The following IL21R variants were observed in gnomAD, a reference collection of about 807,000 sequenced individuals.
The protein encoded by IL21R is interleukin-21 receptor.
A neutral mutation model predicts 41.3 loss-of-function variants in IL21R; 14 were observed. The observed-to-expected ratio is 0.34, with a 90% CI of 0.22 to 0.53. The LOEUF (loss-of-function observed/expected upper bound fraction) is 0.53, where lower values mean the gene tolerates loss of function less well. Ranked by LOEUF, IL21R falls within the 20% of genes least tolerant of loss-of-function variation. IL21R has a pLI of 0.94. For synonymous variants in IL21R, 286 were observed against 287.6 expected, an observed-to-expected ratio of 0.99 and a Z score of 0.05; for missense variants, 588 against 681.6, an observed-to-expected ratio of 0.86 and a Z score of 1.53.
intron 1 of IL21R, among the ~76,000 whole-genome samples, chr16:27,418,824 T>C (rs186522441): frequency 6.6e-5 from 10 of 151,942 alleles, no homozygotes; most frequent in Admixed American, 5.9e-4. Context: ...ATACAAAATA[T>C]TTTTCTTTAT....
chr16:27,419,879 G>A (rs2086971755), intron 1 of IL21R, among the ~76,000 whole-genome samples: 3 of 148,682 alleles, frequency 2.0e-5, no homozygotes, highest in Admixed American at 1.3e-4. Flanking sequence ...ATACATAATT[G>A]TATATGCTAT....
chr16:27,430,376 G>A (rs548819561), intron 2 of IL21R, among the ~76,000 whole-genome samples: 3 of 152,324 alleles, frequency 2.0e-5, no homozygotes, highest in East Asian at 3.9e-4. Context: ...TTGTGTCTTC[G>A]GGTGTCACTG....
At chr16:27,442,446 C>G (rs1314700553) in intron 4 of IL21R, among the ~76,000 whole-genome samples, 4 of 152,218 alleles carry the variant, frequency 2.6e-5, no homozygotes, top group African/African-American at 9.6e-5. Context: ...TCACTCCAAG[C>G]TCTGCCTCCC....
At chr16:27,423,108 A>G (rs1227056612) in intron 1 of IL21R, among the ~76,000 whole-genome samples, 1 of 152,034 alleles carries the variant, frequency 6.6e-6, no homozygotes, top group Non-Finnish European at 1.5e-5. Context: ...TTTTTTTGCT[A>G]AGTTTCTTGG....
At chr16:27,405,564 G>T (rs920533527) in intron 1 of IL21R, among the ~76,000 whole-genome samples, 16 of 152,264 alleles carry the variant, frequency 1.1e-4, no homozygotes, top group African/African-American at 3.4e-4. Flanking sequence ...GTGAAAAGAG[G>T]GGAACAGATG....
In IL21R at chr16:27,448,686, G is replaced by A. The variant is rs1189730377; in HGVS notation, c.1020G>A (p.Leu340=). The change falls in exon 9 of 9, where the codon CTG becomes CTA. Residue 340 remains leucine, a synonymous_variant. Coordinates refer to ENST00000337929, the MANE Select transcript of IL21R (RefSeq NM_181078.3). The part of the protein sequence containing the change: ...QLTELQEPAE[L]VESDGVPKPS... ...CGGAGCTACAAGAACCAGCAGAGCT[G>A]GTGGAGTCTGACGGTGTGCCCAAGC... The A allele has an allele frequency of 1.2e-6, 2 of 1,613,224 alleles. No homozygotes were observed. The highest frequency in any genetic ancestry group is 2.2e-5 in the South Asian group (2 of 91,086).
intron 3 of IL21R, among the ~76,000 whole-genome samples, chr16:27,435,120 G>A (rs930672557): frequency 7.2e-5 from 11 of 152,054 alleles, no homozygotes; most frequent in South Asian, 2.1e-4. Flanking sequence ...TCAGTCGGGC[G>A]TGGTGGCACA....
intron 2 of IL21R, among the ~76,000 whole-genome samples, chr16:27,430,808 G>C (rs1043579679): frequency 1.3e-5 from 2 of 152,168 alleles, no homozygotes; most frequent in East Asian, 1.9e-4. Context: ...GCGAGACCCT[G>C]TCTCAAAACA....
intron 1 of IL21R, among the ~76,000 whole-genome samples, chr16:27,424,486 T>A (rs1445859541): frequency 6.6e-6 from 1 of 152,184 alleles, no homozygotes; most frequent in Non-Finnish European, 1.5e-5. Flanking sequence ...TAGGGTGAAT[T>A]ACAGCAACTC....
At chr16:27,416,923 T>C (rs555129540) in intron 1 of IL21R, among the ~76,000 whole-genome samples, 1 of 152,328 alleles carries the variant, frequency 6.6e-6, no homozygotes, top group South Asian at 2.1e-4. Flanking sequence ...ATTTTTAAAG[T>C]TCATCCATTT....
rs2087603652 is a variant in IL21R at position 27,451,814 on chromosome 16, T to C, written c.*2531T>C. The C allele has an allele frequency of 4.3e-6, 1 of 231,006 alleles. No individual in the cohort carries two copies. Among genetic ancestry groups the C allele is most frequent in the African/African-American group, 2.2e-5 (1 of 45,190 alleles). 14.3% of individuals were successfully genotyped at this position (231,006 alleles called of 1,614,324 possible). A position where few individuals can be genotyped will look rare whatever the true frequency, so the allele number is the denominator to read the frequency against. ...GAGGATGGATGGATGTGTGGGTGGA[T>C]AGGAAGATGGTATTAAGTTGGTGCA... On this transcript the variant is annotated 3_prime_UTR_variant, in exon 9 of 9. Transcript: ENST00000337929.
chr16:27,430,162 A>C (rs1480509280), intron 2 of IL21R, 42 bp downstream of exon 2: 5 of 1,565,978 alleles, frequency 3.2e-6, no homozygotes, highest in Non-Finnish European at 4.3e-6. Context: ...GAGGGCCCCC[A>C]TCACAGAGCT....
At position 27,451,716 on chromosome 16, in the gene IL21R, C is replaced by T. The variant is rs901202156; in HGVS notation, c.*2433C>T. On this transcript the variant is annotated 3_prime_UTR_variant, in exon 9 of 9. Coordinates refer to ENST00000337929, the MANE Select transcript of IL21R (RefSeq NM_181078.3). ...CCTGGGTCACAGATCAAGACCCTGTCTCTTAAAAATAAAAGTTGGAGACAA... is the reference window on the plus strand; with the variant it reads ...CCTGGGTCACAGATCAAGACCCTGTTTCTTAAAAATAAAAGTTGGAGACAA... The T allele has an allele frequency of 3.1e-5, 7 of 228,038 alleles. No homozygotes were observed. The highest frequency in any genetic ancestry group is 1.3e-3 in the Middle Eastern group (1 of 792). The allele number at this position is 228,038 out of a possible 1,614,324, so 14.1% of individuals were successfully genotyped here.
chr16:27,445,036 C>T (rs2087454068), intron 6 of IL21R, 141 bp from the exon 7 acceptor site: 1 of 648,542 alleles, frequency 1.5e-6, no homozygotes, highest in African/African-American at 1.8e-5. Flanking sequence ...GAACCCAGAT[C>T]CATCTCACTT....
Position 27,411,034 on chromosome 16 carries a change from G to A in IL21R, c.-17+8416G>A, listed in dbSNP as rs767397073. ...TAAAGTCTGAATAATATTCCATTAT[G>A]TATGTACTACATTTTCTTTATCCAT... On this transcript the variant is annotated intron_variant, in intron 1 of 8. Coordinates refer to ENST00000337929, the MANE Select transcript of IL21R (RefSeq NM_181078.3). Among the ~76,000 whole-genome samples the A allele has an allele frequency of 5.3e-4, 81 of 152,098 alleles. 1 individual carries two copies. The highest frequency in any genetic ancestry group is 1.0e-3 in the Non-Finnish European group (71 of 68,020).
At chr16:27,442,599 T>G (rs1410231955) in intron 4 of IL21R, 1 of 157,176 alleles carries the variant, frequency 6.4e-6, no homozygotes, top group Admixed American at 6.5e-5. Flanking sequence ...CCTGACCTCG[T>G]GACCCACCTG....
At chr16:27,438,929 GGTGTGTGTGTGT>G (rs60330499) in intron 4 of IL21R, among the ~76,000 whole-genome samples, 2 of 149,046 alleles carry the variant, frequency 1.3e-5, no homozygotes, top group African/African-American at 2.5e-5. Context: ...GCTTTGGCAT[GGTGTGTGTGTGT>G]GTGTGTGTGT....
chr16:27,438,081 T>C (rs988991966), intron 4 of IL21R, among the ~76,000 whole-genome samples: 1 of 152,102 alleles, frequency 6.6e-6, no homozygotes, highest in Non-Finnish European at 1.5e-5. Flanking sequence ...GAAAGGTTGA[T>C]AATAGGTTTG....
chr16:27,434,391 A>ACGGT lies in IL21R; in HGVS notation c.96_99dup (p.Ile34GlyfsTer24). On this transcript the variant is annotated frameshift_variant, in exon 3 of 9. Coordinates refer to ENST00000337929, the MANE Select transcript of IL21R (RefSeq NM_181078.3). LOFTEE classifies it high-confidence loss of function. The stretch of plus-strand genomic sequence containing the variant: ...CGTCTGCTACACCGATTACCTCCAG[A>ACGGT]CGGTCATCTGCATCCTGGAAATGTG... 6.2e-7 allele frequency: 1 copy of ACGGT among 1,613,884 alleles called. No individual in the cohort carries two copies. The highest frequency in any genetic ancestry group is 8.5e-7 in the Non-Finnish European group (1 of 1,179,944).
Sources: allele counts gnomAD v4.1 joint callset (sites outside exome capture counted in the v4.1 genomes callset), GRCh38; gene constraint gnomAD v4.1.1; transcripts MANE v1.5; gene names NCBI Gene and HGNC (gene_info 2026-07-23, HGNC 2026-07-21).